Variants in FAF1 observed in about 807,000 individuals in gnomAD.
FAF1 encodes FAS-associated factor 1.
In FAF1, 25 loss-of-function variants were observed where a neutral mutation model predicts 92.5. The observed-to-expected ratio is 0.27, with a 90% CI of 0.20 to 0.38. The LOEUF is 0.38. Among genes scored for constraint, FAF1 ranks in the 10% least tolerant of loss-of-function variants. The probability of loss-of-function intolerance (pLI) is 1.00; values close to 1 mark genes in which losing one functional copy is unlikely to be tolerated. For synonymous variants in FAF1, 234 were observed against 273.2 expected, an observed-to-expected ratio of 0.86 and a Z score of 1.42; for missense variants, 636 against 793.3, an observed-to-expected ratio of 0.80 and a Z score of 2.38.
intron 1 of FAF1, among the ~76,000 whole-genome samples, chr1:50,883,543 A>G (rs1644631116): frequency 6.6e-6 from 1 of 152,212 alleles, no homozygotes; most frequent in Non-Finnish European, 1.5e-5. Context: ...GACACCATGA[A>G]GAAACAACTG....
intron 1 of FAF1, among the ~76,000 whole-genome samples, chr1:50,867,943 A>T (rs1315382930): frequency 6.6e-6 from 1 of 152,158 alleles, no homozygotes; most frequent in African/African-American, 2.4e-5. Context: ...CCCATCAATC[A>T]ATGAGTGAAT....
intron 18 of FAF1, among the ~76,000 whole-genome samples, chr1:50,451,238 AAAGT>A (rs1169970359): frequency 6.6e-6 from 1 of 152,220 alleles, no homozygotes; most frequent in Non-Finnish European, 1.5e-5. Context: ...AGAAAAGATT[AAAGT>A]AAGAGAGGAA....
intron 2 of FAF1, chr1:50,846,789 G>T (rs1644305190): frequency 2.9e-6 from 2 of 695,994 alleles, no homozygotes; most frequent in Admixed American, 1.9e-5. Flanking sequence ...TGAAGGGATT[G>T]TCCCAATCCC....
At chr1:50,612,506 G>A in intron 8 of FAF1, 1 of 985,160 alleles carries the variant, frequency 1.0e-6, no homozygotes, top group Non-Finnish European at 1.2e-6. Context: ...TATGCATGAA[G>A]GGTACCAACG....
intron 15 of FAF1, among the ~76,000 whole-genome samples, chr1:50,500,541 A>T (rs927208355): frequency 1.3e-5 from 2 of 152,212 alleles, no homozygotes; most frequent in Admixed American, 1.3e-4. Flanking sequence ...CATAGACCAA[A>T]TGTGAAGTCT....
chr1:50,502,392 T>C (rs571806724), intron 15 of FAF1, among the ~76,000 whole-genome samples: 2 of 152,326 alleles, frequency 1.3e-5, no homozygotes, highest in South Asian at 2.1e-4. Context: ...TACCCATTCA[T>C]AGCTTAGCCC....
intron 15 of FAF1, among the ~76,000 whole-genome samples, chr1:50,509,241 A>T (rs1287925867): frequency 6.6e-6 from 1 of 152,218 alleles, no homozygotes; most frequent in Non-Finnish European, 1.5e-5. Flanking sequence ...AGAGAGAGAG[A>T]AAAATATTTT....
At position 50,579,625 on chromosome 1, in the gene FAF1, C is replaced by T. The variant is rs74080007; in HGVS notation, c.1113+2993G>A. On this transcript the variant is annotated intron_variant, in intron 12 of 18. Transcript: ENST00000396153. ...TACAAAGCATGTCACCTAAATCTAA[C>T]AAAGCTTTTAGACCTAATATCCATT... Among the ~76,000 whole-genome samples, 1,163 of 152,062 alleles carry T rather than the reference C, an allele frequency of 7.6e-3. 13 individuals are homozygous for T. Among genetic ancestry groups the T allele is most frequent in the African/African-American group, 0.027 (1,123 of 41,496 alleles).
chr1:50,665,977 C>T (rs992160760), intron 7 of FAF1, among the ~76,000 whole-genome samples: 29 of 151,890 alleles, frequency 1.9e-4, no homozygotes, highest in African/African-American at 6.5e-4. Context: ...AGAAGTTCAA[C>T]ACCAGTCTGG....
intron 1 of FAF1, among the ~76,000 whole-genome samples, chr1:50,905,278 G>A (rs1644827116): frequency 6.6e-6 from 1 of 152,136 alleles, no homozygotes; most frequent in Non-Finnish European, 1.5e-5. Context: ...TCTTAATCCA[G>A]TCTATCATTG....
chr1:50,634,075 T>C (rs1653906985), intron 8 of FAF1, among the ~76,000 whole-genome samples: 1 of 152,180 alleles, frequency 6.6e-6, no homozygotes, highest in Non-Finnish European at 1.5e-5. Context: ...TTAAACAATG[T>C]CATGATGCGA....
Position 50,674,976 on chromosome 1 carries a change from C to T in FAF1, c.658-19448G>A, listed in dbSNP as rs1053640346. Among the ~76,000 whole-genome samples the T allele has an allele frequency of 3.3e-5, 5 of 151,972 alleles. No homozygotes were observed. In the South Asian group the frequency reaches 8.3e-4, roughly 25 times the overall value. On this transcript the variant is annotated intron_variant, in intron 7 of 18. Coordinates refer to ENST00000396153, the MANE Select transcript of FAF1 (RefSeq NM_007051.3). Reference sequence around the variant, plus strand: ...CGCGATCTTGGCTAACTGCAACCTCCGCCTCCTGGGTTCAACCAATTCTCC... The same window carrying T: ...CGCGATCTTGGCTAACTGCAACCTCTGCCTCCTGGGTTCAACCAATTCTCC...
intron 15 of FAF1, among the ~76,000 whole-genome samples, chr1:50,507,832 G>T (rs1313781314): frequency 6.6e-6 from 1 of 152,182 alleles, no homozygotes; most frequent in Non-Finnish European, 1.5e-5. Context: ...TTAAAATTCA[G>T]ATATTTCAGA....
At chr1:50,793,795 G>A (rs1005365753) in intron 3 of FAF1, among the ~76,000 whole-genome samples, 1 of 152,116 alleles carries the variant, frequency 6.6e-6, no homozygotes, top group African/African-American at 2.4e-5. Flanking sequence ...TCCAAAGAAC[G>A]ATACTACACT....
chr1:50,931,910 A>AATAATAATAATAGCACATGAAAG (rs1645051276), intron 1 of FAF1, among the ~76,000 whole-genome samples: 3 of 140,956 alleles, frequency 2.1e-5, no homozygotes, highest in Non-Finnish European at 4.8e-5. Context: ...TAATAATAAT[A>AATAATAATAATAGCACATGAAAG]ATAATAATAA....
rs28733658 is a variant in FAF1, at chr1:50,655,944, G to A, written c.658-416C>T. ...ATGTGGAATAGTGAAGGGTAGTGGG[G>A]TTTTATTGAAGGGCAAGGGGGGCAG... On this transcript the variant is annotated intron_variant, in intron 7 of 18. Coordinates refer to ENST00000396153, the MANE Select transcript of FAF1 (RefSeq NM_007051.3). 9.9e-3 allele frequency among the ~76,000 whole-genome samples: 1,514 copies of A among 152,216 alleles called. 23 individuals carry two copies. The highest frequency in any genetic ancestry group is 0.035 in the African/African-American group (1,434 of 41,522).
intron 7 of FAF1, among the ~76,000 whole-genome samples, chr1:50,668,882 C>A (rs1378189398): frequency 6.6e-6 from 1 of 152,158 alleles, no homozygotes; most frequent in Admixed American, 6.5e-5. Context: ...AGGAGGCATT[C>A]TGAATAAACT....
chr1:50,687,507 T>C (rs888492543), intron 7 of FAF1, among the ~76,000 whole-genome samples: 2 of 152,104 alleles, frequency 1.3e-5, no homozygotes, highest in Non-Finnish European at 2.9e-5. Context: ...TCCAGCACTT[T>C]GGGAGACTGA....
At chr1:50,860,162 A>C (rs1180719201) in intron 1 of FAF1, among the ~76,000 whole-genome samples, 1 of 151,954 alleles carries the variant, frequency 6.6e-6, no homozygotes, top group East Asian at 1.9e-4. Context: ...CTAGAAGAAA[A>C]CCTAAGAAAT....
Sources: allele counts gnomAD v4.1 joint callset (sites outside exome capture counted in the v4.1 genomes callset), GRCh38; gene constraint gnomAD v4.1.1; transcripts MANE v1.5; gene names NCBI Gene and HGNC (gene_info 2026-07-23, HGNC 2026-07-21).